Variants in EXOC4 observed in about 807,000 individuals in gnomAD.
EXOC4 encodes exocyst complex component 4.
EXOC4 carries 71 observed loss-of-function variants against 107.2 expected under a neutral mutation model. That is an observed-to-expected ratio of 0.66 (90% CI 0.55 to 0.81). The LOEUF is 0.81. Among genes scored for constraint, EXOC4 ranks in the 30% least tolerant of loss-of-function variants. The pLI, the probability that EXOC4 is intolerant of heterozygous loss-of-function variation, is 0.00. For missense variants in EXOC4, 1,108 were observed against 1,189.6 expected (o/e 0.93, Z 1.01); for synonymous variants, 456 against 441.2 (o/e 1.03, Z -0.42).
chr7:133,678,147 G>A (rs1018077911), intron 10 of EXOC4, among the ~76,000 whole-genome samples: 4 of 152,084 alleles, frequency 2.6e-5, no homozygotes, highest in African/African-American at 9.7e-5. Flanking sequence ...AACACAAATA[G>A]CCTTCTCTTG....
intron 14 of EXOC4, among the ~76,000 whole-genome samples, chr7:133,954,174 G>A (rs1800760641): frequency 6.6e-6 from 1 of 152,158 alleles, no homozygotes; most frequent in Admixed American, 6.5e-5. Context: ...ATGAACATGA[G>A]AAAATGGCAG....
chr7:133,766,841 A>C (rs1462858861), intron 10 of EXOC4, among the ~76,000 whole-genome samples: 1 of 151,972 alleles, frequency 6.6e-6, no homozygotes, highest in African/African-American at 2.4e-5. Flanking sequence ...GTATATGTGT[A>C]AGCTTTTTCA....
intron 11 of EXOC4, among the ~76,000 whole-genome samples, chr7:133,832,775 T>C (rs957633481): frequency 6.6e-6 from 1 of 152,212 alleles, no homozygotes; most frequent in Non-Finnish European, 1.5e-5. Flanking sequence ...TTATGTTTAG[T>C]TTTGTGAGGA....
intron 9 of EXOC4, among the ~76,000 whole-genome samples, chr7:133,555,865 T>C (rs966481855): frequency 1.3e-5 from 2 of 152,222 alleles, no homozygotes; most frequent in Non-Finnish European, 2.9e-5. Context: ...CTGATAGAAA[T>C]AGGATGTGTG....
intron 7 of EXOC4, among the ~76,000 whole-genome samples, chr7:133,424,919 C>T (rs574996729): frequency 2.6e-5 from 4 of 152,194 alleles, no homozygotes; most frequent in Admixed American, 2.0e-4. Flanking sequence ...ACTAGGTTGG[C>T]TAGCACACAG....
At chr7:133,502,657 A>G (rs1249530171) in intron 9 of EXOC4, among the ~76,000 whole-genome samples, 2 of 152,146 alleles carry the variant, frequency 1.3e-5, no homozygotes, top group East Asian at 3.9e-4. Flanking sequence ...GGCCTTGTCA[A>G]GCTTAGGTGC....
At chr7:133,917,846 A>G (rs1448613255) in intron 13 of EXOC4, 108 bp downstream of exon 13, 7 of 1,072,498 alleles carry the variant, frequency 6.5e-6, no homozygotes, top group Non-Finnish European at 6.6e-6. Context: ...TCAAGCAGCA[A>G]TTACTTGAAC....
chr7:133,350,125 C>T (rs943070393), intron 5 of EXOC4, among the ~76,000 whole-genome samples: 1 of 151,832 alleles, frequency 6.6e-6, no homozygotes, highest in African/African-American at 2.4e-5. Flanking sequence ...CTGTTGGTTG[C>T]CTTTTTACTT....
chr7:133,997,678 C>T lies in EXOC4; in HGVS notation c.2348+45C>T, dbSNP rs373757008. On this transcript the variant is annotated intron_variant, in intron 15 of 17. Transcript: ENST00000253861. ...AGGACCTTGCAATTTGAATGCACTGCGGTTCATAAATCACTTGCTTATTTC... is the reference window on the plus strand; with the variant it reads ...AGGACCTTGCAATTTGAATGCACTGTGGTTCATAAATCACTTGCTTATTTC... The T allele has an allele frequency of 2.6e-5, 41 of 1,585,992 alleles. 1 individual carries two copies. Among genetic ancestry groups the T allele is most frequent in the African/African-American group, 2.2e-4 (16 of 74,302 alleles).
At chr7:133,576,056 T>A (rs900473736) in intron 9 of EXOC4, among the ~76,000 whole-genome samples, 11 of 152,220 alleles carry the variant, frequency 7.2e-5, no homozygotes, top group African/African-American at 2.7e-4. Context: ...AGCACTTTTC[T>A]TATTATCTAT....
At chr7:133,668,957 T>G (rs1793878006) in intron 10 of EXOC4, among the ~76,000 whole-genome samples, 1 of 148,928 alleles carries the variant, frequency 6.7e-6, no homozygotes, top group Admixed American at 6.7e-5. Flanking sequence ...AGGATAGGAG[T>G]GAATATGTGG....
At chr7:133,687,454 T>C (rs1794330944) in intron 10 of EXOC4, among the ~76,000 whole-genome samples, 1 of 152,024 alleles carries the variant, frequency 6.6e-6, no homozygotes, top group Non-Finnish European at 1.5e-5. Context: ...AAACTGAAAC[T>C]CACCAGATCA....
chr7:133,323,955 A>C (rs1795175336), intron 5 of EXOC4, among the ~76,000 whole-genome samples: 2 of 152,098 alleles, frequency 1.3e-5, no homozygotes, highest in South Asian at 2.1e-4. Context: ...TGTATGTGTC[A>C]AGGAATTTAT....
At chr7:133,798,534 A>G (rs889822417) in intron 10 of EXOC4, among the ~76,000 whole-genome samples, 28 of 150,980 alleles carry the variant, frequency 1.9e-4, no homozygotes, top group African/African-American at 6.6e-4. Context: ...TGAATTTAAG[A>G]TACTACTGCA....
intron 7 of EXOC4, among the ~76,000 whole-genome samples, chr7:133,406,335 G>C (rs989402731): frequency 6.6e-6 from 1 of 152,042 alleles, no homozygotes; most frequent in African/African-American, 2.4e-5. Flanking sequence ...TTAAGAACAT[G>C]GTTTGAAAAT....
intron 10 of EXOC4, among the ~76,000 whole-genome samples, chr7:133,686,401 C>T (rs1006915954): frequency 1.3e-5 from 2 of 152,060 alleles, no homozygotes; most frequent in Non-Finnish European, 2.9e-5. Context: ...TTAATGAAAA[C>T]CCGATAGTCC....
intron 11 of EXOC4, among the ~76,000 whole-genome samples, chr7:133,857,909 C>T (rs771404076): frequency 1.4e-4 from 22 of 152,130 alleles, no homozygotes; most frequent in Non-Finnish European, 2.6e-4. Context: ...GTCCCACCGC[C>T]TCACTCTGGC....
chr7:134,078,180 C>A, the EXOC4 span, among the ~76,000 whole-genome samples: 1 of 151,824 alleles, frequency 6.6e-6, no homozygotes, highest in African/African-American at 2.4e-5. Context: ...TGCTTTACCC[C>A]CCTTTTTCAT....
intron 14 of EXOC4, among the ~76,000 whole-genome samples, chr7:133,982,894 T>C (rs1350422948): frequency 3.3e-5 from 5 of 152,226 alleles, no homozygotes; most frequent in African/African-American, 7.2e-5. Flanking sequence ...GTGTTAGGGA[T>C]ACAAAGATAA....
Sources: allele counts gnomAD v4.1 joint callset (sites outside exome capture counted in the v4.1 genomes callset), GRCh38; gene constraint gnomAD v4.1.1; transcripts MANE v1.5; gene names NCBI Gene and HGNC (gene_info 2026-07-23, HGNC 2026-07-21).